Variants in XKR6 observed in about 807,000 individuals in gnomAD.
XKR6 encodes the protein XK related 6, also known as XK-related protein 6.
XKR6 carries 22 observed loss-of-function variants against 56.7 expected under a neutral mutation model. The ratio of observed to expected loss-of-function variants is 0.39; its 90% CI spans 0.28 to 0.55. The LOEUF (loss-of-function observed/expected upper bound fraction) is 0.55, where lower values mean the gene tolerates loss of function less well. XKR6 is among the 20% of genes least tolerant of loss of function. The pLI is 0.66. For synonymous variants in XKR6, 524 were observed against 387.8 expected, an observed-to-expected ratio of 1.35 and a Z score of -4.13; for missense variants, 852 against 889.0, an observed-to-expected ratio of 0.96 and a Z score of 0.53.
At chr8:11,006,326 G>C (rs1247616853) in intron 1 of XKR6, among the ~76,000 whole-genome samples, 2 of 152,162 alleles carry the variant, frequency 1.3e-5, no homozygotes, top group African/African-American at 2.4e-5. Flanking sequence ...GTGGCACTGA[G>C]AGGAGGCCTT....
At chr8:11,032,643 C>T (rs534542920) in intron 1 of XKR6, among the ~76,000 whole-genome samples, 36 of 152,236 alleles carry the variant, frequency 2.4e-4, no homozygotes, top group Admixed American at 1.2e-3. Flanking sequence ...GTTTGCCCTC[C>T]CCAGGCTCAC....
chr8:11,085,431 G>A lies in XKR6; in HGVS notation c.764+115145C>T, dbSNP rs114677581. On this transcript the variant is annotated intron_variant, in intron 1 of 2. Coordinates refer to ENST00000416569, the MANE Select transcript of XKR6 (RefSeq NM_173683.4). ...AGTGCCAAGTGTATGCTTGTCAGAG[G>A]TGAAAGAGGTGTGTGTGTGTGTGTG... Among the ~76,000 whole-genome samples, 787 of 152,034 alleles carry A rather than the reference G, an allele frequency of 5.2e-3. 8 individuals are homozygous for A. The highest frequency in any genetic ancestry group is 0.018 in the African/African-American group (742 of 41,378).
chr8:10,954,461 C>T (rs927591589), intron 1 of XKR6, among the ~76,000 whole-genome samples: 3 of 152,192 alleles, frequency 2.0e-5, no homozygotes, highest in African/African-American at 7.2e-5. Context: ...TATATATCTC[C>T]TTTGAAGAAA....
chr8:11,132,486 C>T (rs1041837361), intron 1 of XKR6, among the ~76,000 whole-genome samples: 4 of 151,862 alleles, frequency 2.6e-5, no homozygotes, highest in East Asian at 1.9e-4. Context: ...CTCAGCCTCC[C>T]GAGTAGCTGG....
rs1243580343 is a variant in XKR6, at chr8:11,098,002, T to C, written c.764+102574A>G. 2.6e-5 allele frequency among the ~76,000 whole-genome samples: 4 copies of C among 152,098 alleles called. No homozygotes were observed. The East Asian group carries it at 7.7e-4, about 29-fold the overall frequency. On this transcript the variant is annotated intron_variant, in intron 1 of 2. Coordinates refer to ENST00000416569, the MANE Select transcript of XKR6 (RefSeq NM_173683.4). The stretch of plus-strand genomic sequence containing the variant: ...ATCAACTGGTGAGACTGGTGATTTC[T>C]GGGAACCGGTGCAATTTTGCAGGGG...
At chr8:10,910,718 G>C (rs538817843) in intron 2 of XKR6, among the ~76,000 whole-genome samples, 1 of 152,316 alleles carries the variant, frequency 6.6e-6, no homozygotes, top group Non-Finnish European at 1.5e-5. Context: ...GGCCCAGGAG[G>C]AGGAACGCTA....
intron 1 of XKR6, chr8:11,002,310 G>A (rs1315771106): frequency 4.6e-6 from 1 of 217,558 alleles, no homozygotes; most frequent in Non-Finnish European, 1.0e-5. Flanking sequence ...GATGTGAAGA[G>A]CTGGAATGGA....
At chr8:11,071,955 G>A (rs1037582706) in intron 1 of XKR6, among the ~76,000 whole-genome samples, 3 of 151,954 alleles carry the variant, frequency 2.0e-5, no homozygotes, top group African/African-American at 7.2e-5. Context: ...CAAAGAGCTC[G>A]AAGTCCAGAA....
At chr8:11,111,090 G>A (rs6981352) in intron 1 of XKR6, among the ~76,000 whole-genome samples, 54,029 of 145,886 alleles carry the variant, frequency 0.37, 10,431 homozygotes, top group African/African-American at 0.41. Context: ...TCCTGACCTC[G>A]TGATCTGCCC....
intron 2 of XKR6, among the ~76,000 whole-genome samples, chr8:10,912,000 T>C (rs539781613): frequency 6.7e-6 from 1 of 149,482 alleles, no homozygotes; most frequent in Non-Finnish European, 1.5e-5. Context: ...AATATATATA[T>C]ATATAGAGAG....
chr8:11,004,516 G>C (rs556059211), intron 1 of XKR6, among the ~76,000 whole-genome samples: 1 of 151,984 alleles, frequency 6.6e-6, no homozygotes, highest in Non-Finnish European at 1.5e-5. Flanking sequence ...AGCTCCGGTG[G>C]GACAAAGATA....
At chr8:10,977,791 C>T (rs1397474259) in intron 1 of XKR6, among the ~76,000 whole-genome samples, 4 of 151,538 alleles carry the variant, frequency 2.6e-5, no homozygotes, top group African/African-American at 9.7e-5. Context: ...GGAGTAATAG[C>T]ACATACCTTC....
At chr8:10,958,768 G>A (rs777087185) in intron 1 of XKR6, among the ~76,000 whole-genome samples, 94 of 152,190 alleles carry the variant, frequency 6.2e-4, no homozygotes, top group Non-Finnish European at 1.1e-3. Flanking sequence ...ACAGAGAAAC[G>A]ATGGGCTCAT....
chr8:11,048,263 T>A (rs866337564), intron 1 of XKR6, among the ~76,000 whole-genome samples: 3 of 152,184 alleles, frequency 2.0e-5, no homozygotes, highest in African/African-American at 7.2e-5. Context: ...CCGGCCCTTG[T>A]TTCTCAACAT....
chr8:11,127,647 T>G (rs1251495619), intron 1 of XKR6, among the ~76,000 whole-genome samples: 1 of 152,152 alleles, frequency 6.6e-6, no homozygotes, highest in Non-Finnish European at 1.5e-5. Context: ...TACCTCTCTC[T>G]TTCACTTAGG....
intron 1 of XKR6, among the ~76,000 whole-genome samples, chr8:11,135,953 T>C (rs1339525424): frequency 6.6e-6 from 1 of 152,212 alleles, no homozygotes; most frequent in African/African-American, 2.4e-5. Context: ...AATAGATTAA[T>C]ATATTGTTTA....
intron 1 of XKR6, among the ~76,000 whole-genome samples, chr8:11,188,171 A>T (rs1803373156): frequency 6.6e-6 from 1 of 152,192 alleles, no homozygotes; most frequent in Non-Finnish European, 1.5e-5. Flanking sequence ...AATAAGCAAA[A>T]AAATACACTT....
At chr8:10,905,657 G>A (rs1800168262) in intron 2 of XKR6, among the ~76,000 whole-genome samples, 1 of 152,048 alleles carries the variant, frequency 6.6e-6, no homozygotes, top group Non-Finnish European at 1.5e-5. Flanking sequence ...TTCAACCCTG[G>A]CCCCCTCCCT....
chr8:11,078,384 G>C (rs1800328917), intron 1 of XKR6, among the ~76,000 whole-genome samples: 1 of 152,110 alleles, frequency 6.6e-6, no homozygotes, highest in Non-Finnish European at 1.5e-5. Context: ...ATTCATGCTG[G>C]CACACAGCTT....
Sources: allele counts gnomAD v4.1 joint callset (sites outside exome capture counted in the v4.1 genomes callset), GRCh38; gene constraint gnomAD v4.1.1; transcripts MANE v1.5; gene names NCBI Gene and HGNC (gene_info 2026-07-23, HGNC 2026-07-21).